Variants in AGAP4 observed in about 807,000 individuals in gnomAD.
The protein encoded by AGAP4 is arf-GAP with GTPase, ANK repeat and PH domain-containing protein 4.
AGAP4 carries 13 observed loss-of-function variants against 60.7 expected under a neutral mutation model. That is an observed-to-expected ratio of 0.21 (90% CI 0.14 to 0.34). The LOEUF (loss-of-function observed/expected upper bound fraction) is 0.34, where lower values mean the gene tolerates loss of function less well. AGAP4 is among the 10% of genes least tolerant of loss of function. AGAP4 has a pLI of 1.00. For missense variants in AGAP4, 169 were observed against 884.0 expected (o/e 0.19, Z 10.26); for synonymous variants, 70 against 339.0 (o/e 0.21, Z 8.72).
At chr10:45,850,677 A>G (rs1243699386), upstream of AGAP4, among the ~76,000 whole-genome samples, 1 of 152,242 alleles carries the variant, frequency 6.6e-6, no homozygotes, top group Non-Finnish European at 1.5e-5. Flanking sequence ...ACAGAATAGG[A>G]AGTGCTTGGT....
intron 6 of AGAP4, among the ~76,000 whole-genome samples, chr10:45,829,340 T>TG (rs1666608200): frequency 6.8e-6 from 1 of 145,988 alleles, no homozygotes; most frequent in South Asian, 2.2e-4. Flanking sequence ...GCTTTTTTTT[T>TG]TTTTGTTTTT....
At position 45,830,155 on chromosome 10, in the gene AGAP4, G is replaced by A. The variant is rs1386829503; in HGVS notation, c.533+1239C>T. 2.0e-5 allele frequency among the ~76,000 whole-genome samples: 3 copies of A among 149,242 alleles called. 1 individual carries two copies. Among genetic ancestry groups the A allele is most frequent in the Non-Finnish European group, 4.5e-5 (3 of 66,876 alleles). On this transcript the variant is annotated intron_variant, in intron 6 of 7. Coordinates refer to ENST00000616763, the MANE Select transcript of AGAP4 (RefSeq NM_001276343.3). ...TCTACCAACTACATATTTGCATGAG[G>A]TTAGGTCATCTTATTGCTTCTTTTT...
intron 4 of AGAP4, among the ~76,000 whole-genome samples, chr10:45,837,157 G>A (rs1202598897): frequency 1.4e-5 from 2 of 146,218 alleles, no homozygotes; most frequent in Middle Eastern, 3.4e-3. Context: ...GAGCCACCGT[G>A]CCTGGCCCGA....
At position 45,847,292 on chromosome 10, in the gene AGAP4, T is replaced by C; in HGVS notation, c.56A>G (p.Gln19Arg). Residue 19 changes from glutamine (Q) to arginine (R), a missense_variant, in exon 1 of 8, where the codon CAG becomes CGG. Coordinates refer to ENST00000616763, the MANE Select transcript of AGAP4 (RefSeq NM_001276343.3). ...AGAGGGACACACCGACCCCTGCTGC[T>C]GGTCAAACTCGAGGCTGACGCTAGG... ...VHPSVSLEFDQQQGSVCPSES... is the reference protein window; with the variant it reads ...VHPSVSLEFDRQQGSVCPSES... 1 of 1,596,018 alleles carries C rather than the reference T, an allele frequency of 6.3e-7. No homozygotes were observed. Among genetic ancestry groups the C allele is most frequent in the Non-Finnish European group, 8.5e-7 (1 of 1,179,036 alleles).
chr10:45,830,764 C>T (rs797037847), intron 6 of AGAP4, among the ~76,000 whole-genome samples: 2,426 of 126,156 alleles, frequency 0.019, 27 homozygotes, highest in Middle Eastern at 0.043. Context: ...GGATTACAGG[C>T]GTGAGCCACC....
At chr10:45,851,024 T>C (rs2059077115), upstream of AGAP4, among the ~76,000 whole-genome samples, 1 of 152,066 alleles carries the variant, frequency 6.6e-6, no homozygotes, top group African/African-American at 2.4e-5. Context: ...ATTTATTAGT[T>C]TCATGGAGCA....
At chr10:45,846,991 G>A in intron 1 of AGAP4, 134 bp downstream of exon 1, 1 of 1,595,942 alleles carries the variant, frequency 6.3e-7, no homozygotes, top group Non-Finnish European at 8.5e-7. Context: ...GCCAGCTTTT[G>A]TTCCTGGCCA....
chr10:45,834,723 T>A (rs1258614071), intron 4 of AGAP4, among the ~76,000 whole-genome samples: 1 of 123,866 alleles, frequency 8.1e-6, no homozygotes, highest in Non-Finnish European at 1.7e-5. Flanking sequence ...AAGATTTCAT[T>A]TTTTTTTCTG....
At chr10:45,834,915 A>C (rs2058793171) in intron 4 of AGAP4, among the ~76,000 whole-genome samples, 1 of 146,832 alleles carries the variant, frequency 6.8e-6, no homozygotes, top group Non-Finnish European at 1.5e-5. Flanking sequence ...CTGGGACTAC[A>C]GGCGCCCACC....
At chr10:45,845,689 A>T in intron 2 of AGAP4, among the ~76,000 whole-genome samples, 2 of 94,350 alleles carry the variant, frequency 2.1e-5, no homozygotes, top group East Asian at 3.6e-4. Flanking sequence ...TGCAACCTCC[A>T]CCTCCCAGGT....
chr10:45,849,641 CTATT>C (rs2059058003), upstream of AGAP4, among the ~76,000 whole-genome samples: 1 of 149,348 alleles, frequency 6.7e-6, no homozygotes, highest in Admixed American at 6.6e-5. Context: ...TTGCTGAACA[CTATT>C]TTTTTTTTTT....
At chr10:45,839,499 CTG>C (rs1199337928) in intron 4 of AGAP4, among the ~76,000 whole-genome samples, 1 of 124,930 alleles carries the variant, frequency 8.0e-6, no homozygotes, top group African/African-American at 2.9e-5. Flanking sequence ...ATAAAGAAAA[CTG>C]TACACCAAAA....
chr10:45,849,727 G>A (rs1247920044), upstream of AGAP4, among the ~76,000 whole-genome samples: 12 of 149,538 alleles, frequency 8.0e-5, no homozygotes, highest in African/African-American at 2.2e-4. Context: ...TGCAACCTCC[G>A]CCTCCTGGGC....
At chr10:45,853,339 A>G (rs1408708445) in intron 1 of AGAP4, among the ~76,000 whole-genome samples, 5 of 151,292 alleles carry the variant, frequency 3.3e-5, no homozygotes, top group Non-Finnish European at 5.9e-5. Context: ...GAGATATCTT[A>G]ATGAATAACA....
chr10:45,834,984 A>T (rs1423145455), intron 4 of AGAP4, among the ~76,000 whole-genome samples: 51,555 of 144,102 alleles, frequency 0.36, 10,849 homozygotes, highest in South Asian at 0.64. Context: ...CGTGTTAGCC[A>T]GGATGGTCTC....
upstream of AGAP4, among the ~76,000 whole-genome samples, chr10:45,852,228 A>AC (rs1430061423): frequency 3.3e-5 from 4 of 122,660 alleles, no homozygotes; most frequent in Admixed American, 7.7e-5. Flanking sequence ...AAAAAAAAAA[A>AC]AAAAAAAAAA....
Position 45,831,668 on chromosome 10 carries a change from T to A in AGAP4, c.498-239A>T, listed in dbSNP as rs1436099519. ...CGTTTCTGTTGGTGATTACAATATA[T>A]AAATAATAACAGATTTCCTTGTTAT... On this transcript the variant is annotated intron_variant, in intron 5 of 7. Transcript: ENST00000616763. Among the ~76,000 whole-genome samples the A allele has an allele frequency of 6.2e-3, 763 of 122,116 alleles. 19 individuals carry two copies. The highest frequency in any genetic ancestry group is 0.028 in the Middle Eastern group (7 of 248). The allele number at this position is 122,116 out of a possible 152,430, so 80.1% of individuals were successfully genotyped here. A position where few individuals can be genotyped will look rare whatever the true frequency, so the allele number is the denominator to read the frequency against.
intron 2 of AGAP4, among the ~76,000 whole-genome samples, chr10:45,845,927 CT>C (rs1402488983): frequency 1.0e-5 from 1 of 95,836 alleles, no homozygotes; most frequent in Non-Finnish European, 2.1e-5. Flanking sequence ...ACTTTCTTAT[CT>C]TTGAACAAGA....
At chr10:45,852,910 A>G (rs1554900659) in intron 1 of AGAP4, among the ~76,000 whole-genome samples, 1 of 151,802 alleles carries the variant, frequency 6.6e-6, no homozygotes, top group East Asian at 1.9e-4. Flanking sequence ...TTCTGTATTC[A>G]TTACAGAAAA....
Sources: allele counts gnomAD v4.1 joint callset (sites outside exome capture counted in the v4.1 genomes callset), GRCh38; gene constraint gnomAD v4.1.1; transcripts MANE v1.5; gene names NCBI Gene and HGNC (gene_info 2026-07-23, HGNC 2026-07-21).